The following KCNG2 variants were observed in gnomAD, a reference collection of about 807,000 sequenced individuals.
KCNG2 encodes the protein voltage-gated potassium channel regulatory subunit KCNG2.
Under a neutral mutation model 12.3 loss-of-function variants are expected in KCNG2, and 7 were observed. The observed-to-expected ratio is 0.57, with a 90% CI of 0.32 to 1.07. KCNG2 has a LOEUF of 1.07. Among genes scored for constraint, KCNG2 ranks in the 50% least tolerant of loss-of-function variants. KCNG2 has a pLI of 0.04. For missense variants in KCNG2, 703 were observed against 726.0 expected (o/e 0.97, Z 0.36); for synonymous variants, 414 against 351.4 (o/e 1.18, Z -1.99).
chr18:79,798,796 C>G (rs893011854), intron 1 of KCNG2, among the ~76,000 whole-genome samples: 57 of 152,328 alleles, frequency 3.7e-4, no homozygotes, highest in African/African-American at 1.4e-3. Flanking sequence ...GCGGGGCTCC[C>G]GGGTTCGGAT....
intron 1 of KCNG2, among the ~76,000 whole-genome samples, chr18:79,855,895 C>T (rs1207932181): frequency 6.6e-6 from 1 of 152,052 alleles, no homozygotes; most frequent in Non-Finnish European, 1.5e-5. Flanking sequence ...AGCATTTTTT[C>T]ATATGTTGGA....
chr18:79,846,585 G>T (rs1370243243), intron 1 of KCNG2, among the ~76,000 whole-genome samples: 1 of 151,982 alleles, frequency 6.6e-6, no homozygotes, highest in Non-Finnish European at 1.5e-5. Context: ...TTTATGTTTG[G>T]CTTTTTTTAA....
intron 1 of KCNG2, among the ~76,000 whole-genome samples, chr18:79,849,404 C>T (rs1255164216): frequency 6.6e-6 from 1 of 152,212 alleles, no homozygotes; most frequent in African/African-American, 2.4e-5. Context: ...AAGGTGGGGC[C>T]CTGCACCCCC....
intron 1 of KCNG2, among the ~76,000 whole-genome samples, chr18:79,851,860 G>A (rs960035949): frequency 7.9e-5 from 12 of 152,186 alleles, no homozygotes; most frequent in Non-Finnish European, 1.6e-4. Flanking sequence ...GCACGTGTGC[G>A]TGTGAGGACT....
At chr18:79,861,431 A>C (rs1352833938) in intron 2 of KCNG2, among the ~76,000 whole-genome samples, 1 of 151,968 alleles carries the variant, frequency 6.6e-6, no homozygotes, top group Non-Finnish European at 1.5e-5. Context: ...GGCACCTGCC[A>C]CCACACCCCG....
Position 79,899,830 on chromosome 18 carries a change from C to T in KCNG2, c.*14C>T. On this transcript the variant is annotated 3_prime_UTR_variant, in exon 4 of 4. Transcript: ENST00000316249. ...GCAGGGCGCTGACGCCTGCGCCGCCCACACGGAGACCCCCTGCCCCCTCCA... is the reference window on the plus strand; with the variant it reads ...GCAGGGCGCTGACGCCTGCGCCGCCTACACGGAGACCCCCTGCCCCCTCCA... 7.4e-7 allele frequency: 1 copy of T among 1,348,908 alleles called. No individual in the cohort carries two copies. Among genetic ancestry groups the T allele is most frequent in the Non-Finnish European group, 9.5e-7 (1 of 1,055,366 alleles). 83.6% of individuals were successfully genotyped at this position (1,348,908 alleles called of 1,614,324 possible). A position where few individuals can be genotyped will look rare whatever the true frequency, so the allele number is the denominator to read the frequency against.
intron 1 of KCNG2, among the ~76,000 whole-genome samples, chr18:79,853,984 A>G (rs1978917161): frequency 1.3e-5 from 2 of 152,232 alleles, no homozygotes; most frequent in Admixed American, 1.3e-4. Context: ...ACCAGTTTCC[A>G]GTGGAATCCA....
chr18:79,873,412 C>T lies in KCNG2; in HGVS notation c.624+9121C>T, dbSNP rs1286975721. ...CCCGTGCTGGCCCACGGGTGCCGCTCCTGCCGGCCCCCCTCCCCCCCCCCC... is the reference window on the plus strand; with the variant it reads ...CCCGTGCTGGCCCACGGGTGCCGCTTCTGCCGGCCCCCCTCCCCCCCCCCC... On this transcript the variant is annotated intron_variant, in intron 3 of 3. Coordinates refer to ENST00000316249, the MANE Select transcript of KCNG2 (RefSeq NM_012283.2). Among the ~76,000 whole-genome samples, 4 of 142,828 alleles carry T rather than the reference C, an allele frequency of 2.8e-5. No homozygotes were observed. The East Asian group carries it at 8.5e-4, about 30-fold the overall frequency. The allele number at this position is 142,828 out of a possible 152,430, so 93.7% of individuals were successfully genotyped here.
At chr18:79,833,012 G>A (rs1307001964) in intron 1 of KCNG2, among the ~76,000 whole-genome samples, 2 of 150,570 alleles carry the variant, frequency 1.3e-5, no homozygotes, top group Non-Finnish European at 3.0e-5. Context: ...CTTTAAAATT[G>A]GCAATGAAGG....
intron 1 of KCNG2, among the ~76,000 whole-genome samples, chr18:79,825,117 TTC>T (rs1438693474): frequency 7.9e-5 from 12 of 152,178 alleles, no homozygotes; most frequent in African/African-American, 2.7e-4. Context: ...AGTAGTAACT[TTC>T]TGTTTCTTCA....
intron 1 of KCNG2, among the ~76,000 whole-genome samples, chr18:79,824,349 G>A (rs971737767): frequency 1.3e-5 from 2 of 152,216 alleles, no homozygotes; most frequent in Admixed American, 1.3e-4. Context: ...GTATAGGAAG[G>A]CTGTTGATTT....
chr18:79,825,999 C>A (rs1484807714), intron 1 of KCNG2, among the ~76,000 whole-genome samples: 1 of 152,210 alleles, frequency 6.6e-6, no homozygotes, highest in African/African-American at 2.4e-5. Context: ...CAGGGCATGA[C>A]CCCCATAGAG....
chr18:79,851,173 A>C (rs1263272091), intron 1 of KCNG2, among the ~76,000 whole-genome samples: 2 of 151,678 alleles, frequency 1.3e-5, no homozygotes, highest in East Asian at 3.9e-4. Flanking sequence ...TATACAAGAC[A>C]AAAAAAAAGA....
intron 1 of KCNG2, among the ~76,000 whole-genome samples, chr18:79,841,086 A>T (rs942308845): frequency 1.3e-5 from 2 of 152,158 alleles, no homozygotes; most frequent in Admixed American, 6.5e-5. Context: ...CCTGAGCAAC[A>T]TAGTGAGGCC....
intron 3 of KCNG2, among the ~76,000 whole-genome samples, chr18:79,898,330 C>T (rs986283121): frequency 6.6e-6 from 1 of 152,196 alleles, no homozygotes; most frequent in African/African-American, 2.4e-5. Flanking sequence ...ACCCTGAGAC[C>T]CCATTGGCCT....
intron 1 of KCNG2, among the ~76,000 whole-genome samples, chr18:79,842,797 A>ATTTG (rs1052597642): frequency 6.6e-5 from 10 of 152,216 alleles, no homozygotes; most frequent in Non-Finnish European, 1.2e-4. Flanking sequence ...AAGATAGGAC[A>ATTTG]TTTGTAGTTA....
At chr18:79,869,356 A>G (rs1979740837) in intron 3 of KCNG2, among the ~76,000 whole-genome samples, 3 of 152,178 alleles carry the variant, frequency 2.0e-5, no homozygotes, top group Admixed American at 2.0e-4. Context: ...TCAGTTATGT[A>G]TGAGCAGGAC....
chr18:79,859,054 C>G (rs1032440794), intron 2 of KCNG2, among the ~76,000 whole-genome samples: 7 of 152,246 alleles, frequency 4.6e-5, no homozygotes, highest in Admixed American at 1.3e-4. Flanking sequence ...CTTTGATATA[C>G]AAGAGTTTCA....
chr18:79,805,517 G>C (rs1031911661), intron 1 of KCNG2, among the ~76,000 whole-genome samples: 7 of 152,112 alleles, frequency 4.6e-5, no homozygotes, highest in Admixed American at 2.6e-4. Flanking sequence ...TCTGGCTAAG[G>C]CTGAATGTTT....
Sources: allele counts gnomAD v4.1 joint callset (sites outside exome capture counted in the v4.1 genomes callset), GRCh38; gene constraint gnomAD v4.1.1; transcripts MANE v1.5; gene names NCBI Gene and HGNC (gene_info 2026-07-23, HGNC 2026-07-21).